The following STPG1 variants were observed in gnomAD, a reference collection of about 807,000 sequenced individuals.
The protein encoded by STPG1 is sperm tail PG-rich repeat containing 1.
In STPG1, 33 loss-of-function variants were observed where a neutral mutation model predicts 40.1. That is an observed-to-expected ratio of 0.82 (90% CI 0.62 to 1.10). The LOEUF is 1.10. Among genes scored for constraint, STPG1 ranks in the 50% least tolerant of loss-of-function variants. The pLI, the probability that STPG1 is intolerant of heterozygous loss-of-function variation, is 0.00. For missense variants in STPG1, 396 were observed against 415.1 expected, an observed-to-expected ratio of 0.95 and a Z score of 0.40; for synonymous variants, 150 against 155.0, an observed-to-expected ratio of 0.97 and a Z score of 0.24.
chr1:24,358,336 G>A lies in STPG1; in HGVS notation c.*207C>T, dbSNP rs1257697992. 2.9e-6 allele frequency: 2 copies of A among 692,222 alleles called. No homozygotes were observed. The highest frequency in any genetic ancestry group is 2.7e-5 in the East Asian group (1 of 36,394). 42.9% of individuals were successfully genotyped at this position (692,222 alleles called of 1,614,324 possible). A position where few individuals can be genotyped will look rare whatever the true frequency, so the allele number is the denominator to read the frequency against. On this transcript the variant is annotated 3_prime_UTR_variant, in exon 9 of 9. Coordinates refer to ENST00000337248, the MANE Select transcript of STPG1 (RefSeq NM_001199013.2). ...GGAAGCCACTGGAGTCTGTGGGGCT[G>A]GGGTGAAGTCTCCAGGGAGCAATGT...
chr1:24,397,724 G>A (rs1643064521), intron 2 of STPG1, among the ~76,000 whole-genome samples: 1 of 150,506 alleles, frequency 6.6e-6, no homozygotes, highest in Admixed American at 6.6e-5. Context: ...CTTTTTGTCT[G>A]GCTTCTTTCA....
Position 24,360,877 on chromosome 1 carries a change from G to A in STPG1, c.902C>T (p.Pro301Leu), listed in dbSNP as rs766695337. Residue 301 changes from proline (P) to leucine (L), a missense_variant, in exon 8 of 9, where the codon CCG becomes CTG. Transcript: ENST00000337248. The part of the protein sequence containing the change: ...VSNTSRWTAA[P>L]PQPGLPGPAT... ...TGGGCCAGGCAGGCCTGGCTGAGGC[G>A]GCGCCGCTGTCCACCGGCTGGTATT... The A allele has an allele frequency of 2.0e-5, 33 of 1,613,168 alleles. No homozygotes were observed. The highest frequency in any genetic ancestry group is 2.7e-5 in the Non-Finnish European group (32 of 1,179,680).
intron 7 of STPG1, among the ~76,000 whole-genome samples, chr1:24,367,037 A>G (rs1641503215): frequency 6.6e-6 from 1 of 152,186 alleles, no homozygotes; most frequent in South Asian, 2.1e-4. Flanking sequence ...CGAGCCCTAG[A>G]AGCCCCAGAC....
intron 4 of STPG1, among the ~76,000 whole-genome samples, chr1:24,382,049 A>G (rs957944442): frequency 2.0e-5 from 3 of 152,212 alleles, no homozygotes; most frequent in Non-Finnish European, 4.4e-5. Flanking sequence ...GGGAAGCCTG[A>G]GCAGCTCAAA....
intron 4 of STPG1, among the ~76,000 whole-genome samples, chr1:24,381,076 G>A (rs1642262066): frequency 6.6e-6 from 1 of 152,022 alleles, no homozygotes; most frequent in Non-Finnish European, 1.5e-5. Flanking sequence ...CTTTACAGAT[G>A]AGGAAGCTGA....
Position 24,372,494 on chromosome 1 carries a change from G to C in STPG1, c.571+1208C>G, listed in dbSNP as rs937117532. Among the ~76,000 whole-genome samples the C allele has an allele frequency of 2.6e-5, 4 of 152,186 alleles. No homozygotes were observed. The South Asian group carries it at 8.3e-4, about 32-fold the overall frequency. ...CCCCCCACCCCGGGAGGGAGCAGGA[G>C]CAGGGGCAGACTGTGGAGGTGCCCA... is the stretch of plus-strand genomic sequence containing the variant. On this transcript the variant is annotated intron_variant, in intron 6 of 8. Transcript: ENST00000337248.
rs1438442247 is a variant in STPG1 at position 24,359,787 on chromosome 1, T to C, written c.928+1064A>G. ...TCCCCAGTGCCACCAGCTTTGGCCA[T>C]GGTCAGGCTGTGGTAATAGCGAAAG... On this transcript the variant is annotated intron_variant, in intron 8 of 8. Transcript: ENST00000337248. This position sits in a 1 kb window ranked among gnomAD's most constrained non-coding sequence, Gnocchi z 5.3. Among the ~76,000 whole-genome samples the C allele has an allele frequency of 2.6e-5, 4 of 152,188 alleles. No individual in the cohort carries two copies. Among genetic ancestry groups the C allele is most frequent in the African/African-American group, 9.7e-5 (4 of 41,436 alleles).
At chr1:24,393,581 T>C (rs926066256) in intron 2 of STPG1, among the ~76,000 whole-genome samples, 4 of 152,190 alleles carry the variant, frequency 2.6e-5, no homozygotes, top group East Asian at 1.9e-4. Context: ...TCTGCCTGAC[T>C]GGAAAGGAGA....
intron 2 of STPG1, chr1:24,391,892 T>C (rs1642789511): frequency 1.5e-6 from 2 of 1,303,182 alleles, no homozygotes; most frequent in Non-Finnish European, 1.9e-6. Flanking sequence ...CCTCCAGCTC[T>C]TAAATTAGTG....
chr1:24,393,916 T>G (rs143811118), intron 2 of STPG1, among the ~76,000 whole-genome samples: 54 of 152,286 alleles, frequency 3.5e-4, no homozygotes, highest in Non-Finnish European at 7.3e-4. Flanking sequence ...GGGATCCAGA[T>G]GGAGCCCCGT....
intron 1 of STPG1, among the ~76,000 whole-genome samples, chr1:24,408,733 A>G (rs530927162): frequency 6.6e-6 from 1 of 152,286 alleles, no homozygotes; most frequent in Admixed American, 6.5e-5. Flanking sequence ...TTCCATAGCA[A>G]TTATTTTTTA....
intron 1 of STPG1, among the ~76,000 whole-genome samples, chr1:24,403,738 TA>T (rs1334454767): frequency 2.0e-5 from 3 of 152,248 alleles, no homozygotes; most frequent in Admixed American, 2.0e-4. Context: ...TAAAATTTTT[TA>T]AATTTCTCAT....
At chr1:24,398,922 A>G (rs1643110449) in intron 2 of STPG1, among the ~76,000 whole-genome samples, 1 of 152,150 alleles carries the variant, frequency 6.6e-6, no homozygotes, top group Non-Finnish European at 1.5e-5. Flanking sequence ...TGATTTCTAG[A>G]ATCAATGCAA....
intron 3 of STPG1, among the ~76,000 whole-genome samples, chr1:24,387,969 C>A (rs1425526534): frequency 6.6e-6 from 1 of 152,198 alleles, no homozygotes; most frequent in African/African-American, 2.4e-5. Context: ...TGTACGATTT[C>A]ATCACAAATT....
At chr1:24,391,491 C>T (rs923252845) in intron 3 of STPG1, 70 bp downstream of exon 3, 21 of 981,538 alleles carry the variant, frequency 2.1e-5, no homozygotes, top group African/African-American at 4.9e-5. Context: ...AGCAGCCAGA[C>T]AGAACGTGCC....
At chr1:24,381,146 T>C (rs1642265736) in intron 4 of STPG1, among the ~76,000 whole-genome samples, 2 of 152,080 alleles carry the variant, frequency 1.3e-5, no homozygotes, top group African/African-American at 4.8e-5. Flanking sequence ...CAGCCTCCAC[T>C]ACATGACATG....
intron 2 of STPG1, among the ~76,000 whole-genome samples, chr1:24,396,270 G>GCTATCTATCTATCTATCTAT: frequency 7.8e-6 from 1 of 127,686 alleles, no homozygotes; most frequent in African/African-American, 3.1e-5. Flanking sequence ...TCCATCTATA[G>GCTATCTATCTATCTATCTAT]CTATCTATCT....
intron 3 of STPG1, among the ~76,000 whole-genome samples, chr1:24,387,646 G>A (rs966786344): frequency 6.6e-6 from 1 of 152,166 alleles, no homozygotes; most frequent in Non-Finnish European, 1.5e-5. Context: ...ATGGGATTTA[G>A]CTCATGGGGT....
In STPG1 at chr1:24,357,053, C is replaced by CCA. The variant is rs1640758513; in HGVS notation, c.*1489_*1490insTG. Reference sequence around the variant, plus strand: ...AATATTTTTAAAATTAAGGCCCCCCCCCCCAAAAAAAAAATCCATGGTGAA... The same window carrying CCA: ...AATATTTTTAAAATTAAGGCCCCCCCCACCCCAAAAAAAAAATCCATGGTGAA... On this transcript the variant is annotated 3_prime_UTR_variant, in exon 9 of 9. Coordinates refer to ENST00000337248, the MANE Select transcript of STPG1 (RefSeq NM_001199013.2). 1 of 129,378 alleles carries CCA rather than the reference C, an allele frequency of 7.7e-6. No homozygotes were observed. The highest frequency in any genetic ancestry group is 2.6e-4 in the South Asian group (1 of 3,798). 8.0% of individuals were successfully genotyped at this position (129,378 alleles called of 1,614,324 possible). A position where few individuals can be genotyped will look rare whatever the true frequency, so the allele number is the denominator to read the frequency against.
Sources: gnomAD v4.1 joint callset for allele counts (sites outside exome capture counted in the v4.1 genomes callset) on GRCh38, gnomAD v4.1.1 for gene constraint, Gnocchi (gnomAD v3.1) non-coding constraint, MANE v1.5 for transcripts, NCBI Gene and HGNC (gene_info 2026-07-23, HGNC 2026-07-21) for gene names.